The following ADAMTS17 variants were observed in gnomAD, a reference collection of about 807,000 sequenced individuals.
ADAMTS17 encodes the protein A disintegrin and metalloproteinase with thrombospondin motifs 17.
In ADAMTS17, 113 loss-of-function variants were observed where a neutral mutation model predicts 141.5. The ratio of observed to expected loss-of-function variants is 0.80; its 90% CI spans 0.69 to 0.93. The LOEUF is 0.93. ADAMTS17 is among the 40% of genes least tolerant of loss of function. The pLI is 0.00. For synonymous variants in ADAMTS17, 768 were observed against 630.6 expected, an observed-to-expected ratio of 1.22 and a Z score of -3.27; for missense variants, 1,659 against 1,517.9, an observed-to-expected ratio of 1.09 and a Z score of -1.54.
intron 7 of ADAMTS17, among the ~76,000 whole-genome samples, chr15:100,207,926 A>G (rs1871740): frequency 0.15 from 22,275 of 152,214 alleles, 1,855 homozygotes; most frequent in Non-Finnish European, 0.19. Flanking sequence ...AGATGTTCTA[A>G]AAACACTCAA....
intron 4 of ADAMTS17, among the ~76,000 whole-genome samples, chr15:100,280,277 A>G (rs2044236889): frequency 6.6e-6 from 1 of 151,892 alleles, no homozygotes; most frequent in Admixed American, 6.6e-5. Context: ...TGGGTGTAGT[A>G]GCCTGGATTT....
intron 13 of ADAMTS17, among the ~76,000 whole-genome samples, chr15:100,113,507 C>T (rs1202384822): frequency 1.3e-5 from 2 of 152,158 alleles, no homozygotes; most frequent in Non-Finnish European, 2.9e-5. Flanking sequence ...CTTTTGAACA[C>T]ATAAAATGCT....
At chr15:100,112,562 C>T (rs917235964) in intron 13 of ADAMTS17, among the ~76,000 whole-genome samples, 2 of 152,254 alleles carry the variant, frequency 1.3e-5, no homozygotes, top group African/African-American at 4.8e-5. Flanking sequence ...AGGAACAAGA[C>T]CCCAGTAAAT....
intron 3 of ADAMTS17, chr15:100,306,447 T>C: frequency 2.2e-6 from 1 of 455,914 alleles, no homozygotes; most frequent in South Asian, 1.5e-5. Context: ...AGGCCACAGG[T>C]AGACGCTCCA....
chr15:100,144,170 G>C (rs545695467), intron 10 of ADAMTS17, among the ~76,000 whole-genome samples: 1 of 152,142 alleles, frequency 6.6e-6, no homozygotes, highest in Non-Finnish European at 1.5e-5. Flanking sequence ...TCTGGCCCTG[G>C]GTCTACTAAC....
At position 100,159,980 on chromosome 15, in the gene ADAMTS17, T is replaced by G. The variant is rs144316387; in HGVS notation, c.1182-4660A>C. Reference sequence around the variant, plus strand: ...GTTCTGGGGAAAATCATCTGGGAACTTACACAGAGGTTGCACTTGCCTGGG... The same window carrying G: ...GTTCTGGGGAAAATCATCTGGGAACGTACACAGAGGTTGCACTTGCCTGGG... On this transcript the variant is annotated intron_variant, in intron 8 of 21. Transcript: ENST00000268070. Among the ~76,000 whole-genome samples the G allele has an allele frequency of 3.1e-3, 465 of 152,274 alleles. 2 individuals are homozygous for G. Among genetic ancestry groups the G allele is most frequent in the African/African-American group, 0.01 (435 of 41,542 alleles).
chr15:100,098,138 T>C (rs2035874523), intron 14 of ADAMTS17, among the ~76,000 whole-genome samples: 1 of 152,164 alleles, frequency 6.6e-6, no homozygotes, highest in African/African-American at 2.4e-5. Flanking sequence ...TGGATAACAG[T>C]GGGCTTGATG....
intron 15 of ADAMTS17, among the ~76,000 whole-genome samples, chr15:100,056,449 G>A (rs2032577378): frequency 6.6e-6 from 1 of 152,018 alleles, no homozygotes; most frequent in African/African-American, 2.4e-5. Context: ...GGGGAAGTGG[G>A]GTGGCGGGGG....
chr15:100,054,131 C>G, intron 15 of ADAMTS17, 77 bp from the exon 16 acceptor site: 1 of 1,571,840 alleles, frequency 6.4e-7, no homozygotes, highest in African/African-American at 1.3e-5. Flanking sequence ...ACGGAATCTA[C>G]AGCCCCTGAG....
At chr15:100,124,444 A>G (rs1258268238) in intron 12 of ADAMTS17, among the ~76,000 whole-genome samples, 1 of 152,240 alleles carries the variant, frequency 6.6e-6, no homozygotes, top group Non-Finnish European at 1.5e-5. Context: ...CACGCATCCG[A>G]ACGGCCAAAA....
At chr15:100,290,638 G>A (rs1034351878) in intron 3 of ADAMTS17, among the ~76,000 whole-genome samples, 3 of 152,132 alleles carry the variant, frequency 2.0e-5, no homozygotes, top group Non-Finnish European at 4.4e-5. Context: ...AAACAGCATG[G>A]CACTTGTACA....
intron 6 of ADAMTS17, among the ~76,000 whole-genome samples, chr15:100,258,396 T>C (rs1369748083): frequency 1.3e-5 from 2 of 152,238 alleles, no homozygotes; most frequent in Non-Finnish European, 2.9e-5. Flanking sequence ...TTCCATTGTT[T>C]TGCGTATTAG....
At chr15:100,029,448 T>C (rs2029911738) in intron 18 of ADAMTS17, among the ~76,000 whole-genome samples, 1 of 152,210 alleles carries the variant, frequency 6.6e-6, no homozygotes, top group Non-Finnish European at 1.5e-5. Context: ...TTCATCCATT[T>C]ATGCCAGAGA....
intron 8 of ADAMTS17, among the ~76,000 whole-genome samples, chr15:100,157,339 G>GA (rs1027938262): frequency 2.4e-4 from 36 of 152,072 alleles, no homozygotes; most frequent in African/African-American, 8.0e-4. Context: ...CAAAATTGTT[G>GA]AAAAAAACTA....
intron 3 of ADAMTS17, among the ~76,000 whole-genome samples, chr15:100,321,202 G>A (rs2045722955): frequency 1.3e-5 from 2 of 152,140 alleles, no homozygotes; most frequent in African/African-American, 2.4e-5. Flanking sequence ...AATTTTAATA[G>A]ATTATCAAAT....
chr15:100,259,299 C>T (rs2141986070), intron 6 of ADAMTS17, among the ~76,000 whole-genome samples: 1 of 152,308 alleles, frequency 6.6e-6, no homozygotes, highest in South Asian at 2.1e-4. Flanking sequence ...TTGCTTGCTC[C>T]CTAAATCGAA....
chr15:100,105,944 G>C (rs923871593), intron 14 of ADAMTS17, among the ~76,000 whole-genome samples: 1 of 152,114 alleles, frequency 6.6e-6, no homozygotes, highest in East Asian at 1.9e-4. Flanking sequence ...GCCCGCCTTG[G>C]CCTCCCAAAG....
At chr15:100,001,797 C>T (rs774587102) in intron 18 of ADAMTS17, among the ~76,000 whole-genome samples, 2 of 151,482 alleles carry the variant, frequency 1.3e-5, no homozygotes, top group Non-Finnish European at 2.9e-5. Context: ...ATGGTGAAAC[C>T]CCATCTCTAC....
chr15:100,281,919 A>T (rs77738351), intron 3 of ADAMTS17, among the ~76,000 whole-genome samples: 9,300 of 152,178 alleles, frequency 0.061, 341 homozygotes, highest in Non-Finnish European at 0.085. Context: ...TATGTTTTTT[A>T]AAAAAATACA....
Sources: allele counts gnomAD v4.1 joint callset (sites outside exome capture counted in the v4.1 genomes callset), GRCh38; gene constraint gnomAD v4.1.1; transcripts MANE v1.5; gene names NCBI Gene and HGNC (gene_info 2026-07-23, HGNC 2026-07-21).